Variants in CLASP1 observed in about 807,000 individuals in gnomAD.
CLASP1 encodes CLIP-associating protein 1.
A neutral mutation model predicts 192.3 loss-of-function variants in CLASP1; 38 were observed. That is an observed-to-expected ratio of 0.20 (90% CI 0.15 to 0.26). The LOEUF (loss-of-function observed/expected upper bound fraction) is 0.26, where lower values mean the gene tolerates loss of function less well. Ranked by LOEUF, CLASP1 falls within the 10% of genes least tolerant of loss-of-function variation. The probability of loss-of-function intolerance (pLI) is 1.00; values close to 1 mark genes in which losing one functional copy is unlikely to be tolerated. For missense variants in CLASP1, 1,433 were observed against 1,932.5 expected (o/e 0.74, Z 4.85); for synonymous variants, 691 against 712.8 (o/e 0.97, Z 0.49).
chr2:121,631,249 A>C (rs1030574048), intron 1 of CLASP1, among the ~76,000 whole-genome samples: 4 of 151,526 alleles, frequency 2.6e-5, no homozygotes, highest in Non-Finnish European at 5.9e-5. Flanking sequence ...TAATTCAAAA[A>C]ATGACACATG....
intron 5 of CLASP1, among the ~76,000 whole-genome samples, chr2:121,526,138 T>A (rs2094568344): frequency 6.6e-6 from 1 of 152,220 alleles, no homozygotes; most frequent in Admixed American, 6.5e-5. Flanking sequence ...CAGATAAGTC[T>A]TCGTCCTGTC....
chr2:121,418,029 A>G (rs1178705926), intron 23 of CLASP1, among the ~76,000 whole-genome samples: 1 of 152,264 alleles, frequency 6.6e-6, no homozygotes, highest in East Asian at 1.9e-4. Flanking sequence ...ATTGAAGAAT[A>G]CAAAATATTC....
chr2:121,488,449 CA>C (rs773167469), intron 8 of CLASP1, among the ~76,000 whole-genome samples: 34 of 152,198 alleles, frequency 2.2e-4, no homozygotes, highest in Non-Finnish European at 4.6e-4. Flanking sequence ...TCCCAGGTCA[CA>C]AACTGCCCAT....
At chr2:121,406,692 T>C (rs2076955672) in intron 25 of CLASP1, among the ~76,000 whole-genome samples, 1 of 152,166 alleles carries the variant, frequency 6.6e-6, no homozygotes, top group Non-Finnish European at 1.5e-5. Context: ...TGGGCTCATG[T>C]GATCCTCCTG....
At chr2:121,448,058 T>C (rs898274276) in intron 18 of CLASP1, among the ~76,000 whole-genome samples, 6 of 152,250 alleles carry the variant, frequency 3.9e-5, no homozygotes. Context: ...CAGAGCTTCA[T>C]TCCTAAGTCA....
At chr2:121,362,213 T>C (rs908437058) in intron 37 of CLASP1, among the ~76,000 whole-genome samples, 16 of 152,254 alleles carry the variant, frequency 1.1e-4, no homozygotes, top group Non-Finnish European at 1.9e-4. Flanking sequence ...CTAAGTTTTC[T>C]GAAGTTCCAA....
chr2:121,530,835 C>G (rs768968191), intron 2 of CLASP1: 29 of 661,578 alleles, frequency 4.4e-5, no homozygotes, highest in Non-Finnish European at 7.0e-5. Flanking sequence ...ACAACCCTAC[C>G]AGGTATTGGC....
chr2:121,510,722 C>T (rs1222197020), intron 7 of CLASP1, among the ~76,000 whole-genome samples: 3 of 151,864 alleles, frequency 2.0e-5, no homozygotes, highest in East Asian at 1.9e-4. Flanking sequence ...TACTTGAGCC[C>T]AGGAAGTCAA....
chr2:121,606,385 G>A (rs1003115757), intron 1 of CLASP1, among the ~76,000 whole-genome samples: 2 of 152,180 alleles, frequency 1.3e-5, no homozygotes, highest in African/African-American at 4.8e-5. Flanking sequence ...GCCCAAAGAA[G>A]AGCCAATGAG....
intron 39 of CLASP1, among the ~76,000 whole-genome samples, chr2:121,345,228 C>G (rs1488844576): frequency 6.6e-6 from 1 of 152,180 alleles, no homozygotes; most frequent in Admixed American, 6.5e-5. Context: ...TCTCTCCAAA[C>G]CCCTGAGGAA....
rs1042666538 is a variant in CLASP1 at position 121,524,795 on chromosome 2, C to T, written c.546+1050G>A. ...ATTTTCAACAAAGGCTGAAAAAGGG[C>T]GTGAGTGGAAGAAGAAAGCAGGGAG... On this transcript the variant is annotated intron_variant, in intron 6 of 39. Coordinates refer to ENST00000263710, the Ensembl canonical transcript of CLASP1. Among the ~76,000 whole-genome samples the T allele has an allele frequency of 3.9e-5, 6 of 152,046 alleles. No homozygotes were observed. In the South Asian group the frequency reaches 8.3e-4, roughly 21 times the overall value.
chr2:121,479,784 A>G (rs928281682), intron 8 of CLASP1, among the ~76,000 whole-genome samples: 18 of 152,206 alleles, frequency 1.2e-4, no homozygotes, highest in Admixed American at 1.2e-3. Flanking sequence ...AAAATCTTCC[A>G]ATATCCATAT....
chr2:121,626,425 ATTAAG>A (rs556178560), intron 1 of CLASP1, among the ~76,000 whole-genome samples: 10 of 152,258 alleles, frequency 6.6e-5, no homozygotes, highest in Non-Finnish European at 1.0e-4. Flanking sequence ...CTTCCAATGT[ATTAAG>A]TTATCATACA....
chr2:121,615,738 C>T (rs1445120820), intron 1 of CLASP1, among the ~76,000 whole-genome samples: 2 of 151,930 alleles, frequency 1.3e-5, no homozygotes, highest in Admixed American at 6.6e-5. Context: ...GAGCCAAGAT[C>T]GTGCCACTGC....
At chr2:121,471,108 T>G (rs1241814081) in intron 8 of CLASP1, among the ~76,000 whole-genome samples, 3 of 152,076 alleles carry the variant, frequency 2.0e-5, no homozygotes, top group Non-Finnish European at 4.4e-5. Flanking sequence ...CATAGCAAGA[T>G]CCTGTCTCTT....
At position 121,469,990 on chromosome 2, in the gene CLASP1, T is replaced by A. The variant is rs374314116; in HGVS notation, c.713-30A>T. The A allele has an allele frequency of 7.7e-5, 121 of 1,573,456 alleles. 1 individual carries two copies. The African/African-American group carries it at 1.5e-3, about 19-fold the overall frequency. ...ACAGTAAGCACAGAAACCAACGTTT[T>A]TTTAAAAACAAAAACTATATATACA... On this transcript the variant is annotated intron_variant, in intron 8 of 39. Transcript: ENST00000263710.
intron 2 of CLASP1, among the ~76,000 whole-genome samples, chr2:121,583,011 C>A (rs2061371492): frequency 6.6e-6 from 1 of 152,038 alleles, no homozygotes; most frequent in Non-Finnish European, 1.5e-5. Flanking sequence ...GCCTCAAACT[C>A]CTGACCTCAA....
At chr2:121,400,818 T>A (rs549559391) in intron 28 of CLASP1, among the ~76,000 whole-genome samples, 1 of 152,208 alleles carries the variant, frequency 6.6e-6, no homozygotes, top group Non-Finnish European at 1.5e-5. Flanking sequence ...TTTAAAAAAG[T>A]TCACCAATTT....
chr2:121,427,324 A>G, intron 21 of CLASP1, 80 bp downstream of exon 21: 1 of 1,474,844 alleles, frequency 6.8e-7, no homozygotes, highest in Non-Finnish European at 9.3e-7. Flanking sequence ...AGAGAAATTA[A>G]TATTGTGCAA....
Sources: allele counts gnomAD v4.1 joint callset (sites outside exome capture counted in the v4.1 genomes callset), GRCh38; gene constraint gnomAD v4.1.1; transcripts MANE v1.5; gene names NCBI Gene and HGNC (gene_info 2026-07-23, HGNC 2026-07-21).